The following OR9Q1 variants were observed in gnomAD, a reference collection of about 807,000 sequenced individuals.
OR9Q1 encodes olfactory receptor 9Q1.
For synonymous variants in OR9Q1, 153 were observed against 148.6 expected (o/e 1.03, Z -0.22); for missense variants, 374 against 378.8 (o/e 0.99, Z 0.11).
At chr11:58,030,184 G>C (rs978417506) in intron 1 of OR9Q1, among the ~76,000 whole-genome samples, 5 of 152,068 alleles carry the variant, frequency 3.3e-5, no homozygotes, top group African/African-American at 1.2e-4. Context: ...CCCCTTCTAA[G>C]GGGTAAAAAG....
chr11:58,043,628 T>C (rs927609641), intron 1 of OR9Q1, among the ~76,000 whole-genome samples: 10 of 152,222 alleles, frequency 6.6e-5, no homozygotes, highest in Non-Finnish European at 1.5e-4. Context: ...AACTTCCTCC[T>C]TGGCCTGGAA....
At chr11:58,025,812 G>A (rs948522118) in intron 1 of OR9Q1, among the ~76,000 whole-genome samples, 1 of 152,042 alleles carries the variant, frequency 6.6e-6, no homozygotes, top group African/African-American at 2.4e-5. Flanking sequence ...GACTCTCTCC[G>A]TGGACCTCAC....
chr11:58,120,867 C>T (rs1251378217), intron 2 of OR9Q1, among the ~76,000 whole-genome samples: 1 of 147,014 alleles, frequency 6.8e-6, no homozygotes, highest in Admixed American at 6.9e-5. Context: ...ATTTGACCTT[C>T]ACTAAGTAAG....
At chr11:58,118,904 G>A (rs563265590) in intron 2 of OR9Q1, 1 of 1,613,998 alleles carries the variant, frequency 6.2e-7, no homozygotes, top group Admixed American at 1.7e-5. Flanking sequence ...AGGGGTGGGA[G>A]GTCACAGAAG....
At position 58,118,960 on chromosome 11, in the gene OR9Q1, C is replaced by T. The variant is rs962094527; in HGVS notation, c.-14-60471C>T. 1.9e-6 allele frequency: 3 copies of T among 1,613,876 alleles called. No homozygotes were observed. The South Asian group carries it at 3.3e-5, about 18-fold the overall frequency. On this transcript the variant is annotated intron_variant, in intron 2 of 2. Coordinates refer to ENST00000335397, the MANE Select transcript of OR9Q1 (RefSeq NM_001005212.4). ...CTTACAGAAGGAGAGGGTGAAGGTG[C>T]AAGTGGTACGCAGGATGGCTCCTGA...
At chr11:58,063,765 A>G (rs1853402603) in intron 2 of OR9Q1, among the ~76,000 whole-genome samples, 1 of 152,230 alleles carries the variant, frequency 6.6e-6, no homozygotes, top group African/African-American at 2.4e-5. Context: ...AGGCATGCCA[A>G]GGGAAATAAA....
At chr11:58,164,666 C>T (rs1173604280) in intron 2 of OR9Q1, among the ~76,000 whole-genome samples, 2 of 152,136 alleles carry the variant, frequency 1.3e-5, no homozygotes, top group Non-Finnish European at 2.9e-5. Context: ...CAGGTGCTTT[C>T]AGCAATATCA....
chr11:58,105,794 G>A (rs548848004), intron 2 of OR9Q1, among the ~76,000 whole-genome samples: 2 of 149,522 alleles, frequency 1.3e-5, no homozygotes, highest in African/African-American at 4.9e-5. Context: ...GTAGCAAATG[G>A]TAAAATTTCC....
chr11:58,156,337 C>CATG (rs1454205369), intron 2 of OR9Q1, among the ~76,000 whole-genome samples: 2 of 152,192 alleles, frequency 1.3e-5, no homozygotes, highest in South Asian at 2.1e-4. Flanking sequence ...GACTGCCACT[C>CATG]ATGAGCAGAA....
chr11:58,076,337 G>A (rs1853538672), intron 2 of OR9Q1, among the ~76,000 whole-genome samples: 1 of 152,134 alleles, frequency 6.6e-6, no homozygotes, highest in Admixed American at 6.5e-5. Context: ...CTCATCTGAG[G>A]CTCAAGGTCC....
At chr11:58,028,529 A>G (rs898414578) in intron 1 of OR9Q1, among the ~76,000 whole-genome samples, 2 of 152,208 alleles carry the variant, frequency 1.3e-5, no homozygotes, top group African/African-American at 2.4e-5. Context: ...TTTTCAGAGA[A>G]TTTGACTGTG....
intron 2 of OR9Q1, among the ~76,000 whole-genome samples, chr11:58,137,039 T>C (rs1349683673): frequency 2.0e-5 from 3 of 152,206 alleles, no homozygotes; most frequent in Non-Finnish European, 4.4e-5. Context: ...GGCAAAGTCC[T>C]CTGGCGGCAC....
chr11:58,168,148 T>C (rs1270501399), intron 2 of OR9Q1, among the ~76,000 whole-genome samples: 1 of 152,226 alleles, frequency 6.6e-6, no homozygotes, highest in Admixed American at 6.5e-5. Flanking sequence ...CATCCAGATT[T>C]GTCAAATCTT....
chr11:58,087,523 T>C (rs1853645105), intron 2 of OR9Q1, among the ~76,000 whole-genome samples: 1 of 151,988 alleles, frequency 6.6e-6, no homozygotes, highest in African/African-American at 2.4e-5. Flanking sequence ...GTATATTTTG[T>C]TAAATGAAAC....
chr11:58,170,183 A>G (rs1167274696), intron 2 of OR9Q1, among the ~76,000 whole-genome samples: 1 of 152,170 alleles, frequency 6.6e-6, no homozygotes, highest in Non-Finnish European at 1.5e-5. Flanking sequence ...ATGCTTCTAA[A>G]AATGAGACGA....
intron 2 of OR9Q1, among the ~76,000 whole-genome samples, chr11:58,133,457 G>A (rs1854162205): frequency 6.6e-6 from 1 of 152,184 alleles, no homozygotes; most frequent in Non-Finnish European, 1.5e-5. Flanking sequence ...TCAGGGTGGG[G>A]TCAAAGCTAC....
chr11:58,131,435 C>T (rs559305458), intron 2 of OR9Q1, among the ~76,000 whole-genome samples: 3 of 152,044 alleles, frequency 2.0e-5, no homozygotes, highest in African/African-American at 7.2e-5. Context: ...ATTAATAAGT[C>T]TTCTAAATTA....
intron 2 of OR9Q1, among the ~76,000 whole-genome samples, chr11:58,175,545 C>T (rs1012394005): frequency 2.0e-5 from 3 of 152,132 alleles, no homozygotes; most frequent in Non-Finnish European, 4.4e-5. Flanking sequence ...ATAGTATTCC[C>T]ATAATACTAC....
At chr11:58,142,528 C>G (rs1229208151) in intron 2 of OR9Q1, among the ~76,000 whole-genome samples, 1 of 152,100 alleles carries the variant, frequency 6.6e-6, no homozygotes, top group Admixed American at 6.6e-5. Flanking sequence ...AAAACTCCCC[C>G]CAGTTGCTGA....
Sources: allele counts gnomAD v4.1 joint callset (sites outside exome capture counted in the v4.1 genomes callset), GRCh38; gene constraint gnomAD v4.1.1; transcripts MANE v1.5; gene names NCBI Gene and HGNC (gene_info 2026-07-23, HGNC 2026-07-21).